The following INTS3 variants were observed in gnomAD, a reference collection of about 807,000 sequenced individuals.
INTS3 encodes integrator complex subunit 3.
INTS3 carries 34 observed loss-of-function variants against 146.3 expected under a neutral mutation model. The ratio of observed to expected loss-of-function variants is 0.23; its 90% CI spans 0.18 to 0.31. INTS3 has a LOEUF of 0.31. INTS3 is among the 10% of genes least tolerant of loss of function. INTS3 has a pLI of 1.00. For missense variants in INTS3, 757 were observed against 1,304.2 expected, an observed-to-expected ratio of 0.58 and a Z score of 6.46; for synonymous variants, 475 against 494.9, an observed-to-expected ratio of 0.96 and a Z score of 0.53.
In INTS3 at chr1:153,746,978, G is replaced by A; in HGVS notation, c.340G>A (p.Val114Met). The change falls in exon 4 of 30, where the codon GTG becomes ATG. Residue 114 changes from valine to methionine, a missense_variant. Around this residue, in one of 8 missense-constraint regions of INTS3, gnomAD observed 160 missense variants for 193.7 expected, o/e 0.83. Transcript: ENST00000318967. ...AQKCYRDLAL[V>M]SRDGMNIVLN... The stretch of plus-strand genomic sequence containing the variant: ...ACAGTGTTACCGGGACTTAGCTCTG[G>A]TGAGTCGTGATGGCATGAATATTGT... 5.6e-6 allele frequency: 9 copies of A among 1,613,588 alleles called. No homozygotes were observed. Among genetic ancestry groups the A allele is most frequent in the Non-Finnish European group, 7.6e-6 (9 of 1,179,548 alleles).
chr1:153,761,099 G>C, intron 13 of INTS3, 181 bp downstream of exon 13: 2 of 1,432,106 alleles, frequency 1.4e-6, no homozygotes, highest in Non-Finnish European at 1.8e-6. Flanking sequence ...TCCTGCCATC[G>C]TATTACAAAG....
intron 22 of INTS3, 116 bp downstream of exon 22, chr1:153,769,077 C>A: frequency 1.2e-6 from 1 of 808,836 alleles, no homozygotes; most frequent in Non-Finnish European, 2.1e-6. Flanking sequence ...AGGCACCCTC[C>A]CTCCTGGCTA....
In INTS3 at chr1:153,755,327, G is replaced by C. The variant is rs141995399; in HGVS notation, c.957+588G>C. On this transcript the variant is annotated intron_variant, in intron 9 of 29. Coordinates refer to ENST00000318967, the MANE Select transcript of INTS3 (RefSeq NM_023015.5). ...TGCCCAGGCTAGAGTGCAGTGGCGC[G>C]ATCTCGGCTCTCCGCAGCCTCCGCC... Among the ~76,000 whole-genome samples, 572 of 152,148 alleles carry C rather than the reference G, an allele frequency of 3.8e-3. 4 individuals are homozygous for C. The highest frequency in any genetic ancestry group is 0.013 in the African/African-American group (542 of 41,512).
rs59978263 is a variant in INTS3 at position 153,738,893 on chromosome 1, C to CT, written c.151-1741dup. On this transcript the variant is annotated intron_variant, in intron 1 of 29. Transcript: ENST00000318967. Reference sequence around the variant, plus strand: ...TTCGATAGATGATAATATTAAGTGTCTTTTTTTTTTTTTTTTTGAGACAGT... The same window carrying CT: ...TTCGATAGATGATAATATTAAGTGTCTTTTTTTTTTTTTTTTTTGAGACAGT... 6.8e-3 allele frequency among the ~76,000 whole-genome samples: 921 copies of CT among 135,026 alleles called. 5 individuals carry two copies. The highest frequency in any genetic ancestry group is 0.012 in the Middle Eastern group (3 of 260). The allele number at this position is 135,026 out of a possible 152,430, so 88.6% of individuals were successfully genotyped here.
intron 15 of INTS3, 136 bp from the exon 16 acceptor site, chr1:153,763,097 C>T: frequency 8.4e-7 from 1 of 1,188,274 alleles, no homozygotes; most frequent in Non-Finnish European, 1.2e-6. Flanking sequence ...CAGGGAGATG[C>T]TTCAGGCACT....
chr1:153,760,982 A>G, intron 13 of INTS3, 64 bp downstream of exon 13: 1 of 1,585,574 alleles, frequency 6.3e-7, no homozygotes, highest in Non-Finnish European at 8.7e-7. Context: ...GGTGTATCCA[A>G]ATGTTGCCAT....
Position 153,772,001 on chromosome 1 carries a change from G to A in INTS3, c.2720+38G>A, listed in dbSNP as rs750908075. 30 of 1,571,536 alleles carry A rather than the reference G, an allele frequency of 1.9e-5. No individual in the cohort carries two copies. The highest frequency in any genetic ancestry group is 1.4e-4 in the South Asian group (12 of 86,464). On this transcript the variant is annotated intron_variant, in intron 26 of 29. Coordinates refer to ENST00000318967, the MANE Select transcript of INTS3 (RefSeq NM_023015.5). This position sits in a 1 kb window ranked among gnomAD's most constrained non-coding sequence, Gnocchi z 4.6. ...CCCTGTCTACCCTCCAGGCCATGGC[G>A]GTCTGCAGTGATTGCTGTCGGTGGT... is the stretch of plus-strand genomic sequence containing the variant.
intron 18 of INTS3, among the ~76,000 whole-genome samples, 192 bp from the exon 19 acceptor site, chr1:153,764,498 C>T (rs186521908): frequency 6.6e-6 from 1 of 152,300 alleles, no homozygotes; most frequent in African/African-American, 2.4e-5. Context: ...TGGCCTGGAG[C>T]CTGTCTCCAA....
In INTS3 at chr1:153,757,818, G is replaced by A; in HGVS notation, c.1149+55G>A. On this transcript the variant is annotated intron_variant, in intron 10 of 29. Coordinates refer to ENST00000318967, the MANE Select transcript of INTS3 (RefSeq NM_023015.5). The surrounding 1 kb of genome is among the most constrained non-coding windows in gnomAD (Gnocchi z 4.0). ...GGTGCCTCTTCCATGGTGTTCCCAT[G>A]TTTCCATTCTTCTTCCTGACTCCAG... 1 of 1,494,012 alleles carries A rather than the reference G, an allele frequency of 6.7e-7. No individual in the cohort carries two copies. The highest frequency in any genetic ancestry group is 2.3e-5 in the East Asian group (1 of 43,938). The allele number at this position is 1,494,012 out of a possible 1,614,324, so 92.5% of individuals were successfully genotyped here.
Position 153,728,575 on chromosome 1 carries a change from G to A in INTS3, c.-60G>A. On this transcript the variant is annotated 5_prime_UTR_variant, in exon 1 of 30. Transcript: ENST00000318967. ...CAGTCCCTGGCAATCCAGAGATCCC[G>A]ATATCTAGGACTGTCCATCCATCCA... 6.6e-7 allele frequency: 1 copy of A among 1,511,842 alleles called. No individual in the cohort carries two copies. Among genetic ancestry groups the A allele is most frequent in the Non-Finnish European group, 8.8e-7 (1 of 1,133,758 alleles). The allele number at this position is 1,511,842 out of a possible 1,614,324, so 93.7% of individuals were successfully genotyped here.
Position 153,767,791 on chromosome 1 carries a change from G to A in INTS3, c.2208G>A (p.Arg736=), listed in dbSNP as rs1198674463. Residue 736 remains arginine (R), a synonymous_variant, in exon 21 of 30, where the codon CGG becomes CGA. Transcript: ENST00000318967. ...AGGCCTGCCAGGAGGACGATGTGCG[G>A]CTCCTGTGCCACCTCACGCCCTCCA... The part of the protein sequence containing the change: ...DMKACQEDDV[R]LLCHLTPSIY... The A allele has an allele frequency of 1.3e-6, 2 of 1,564,454 alleles. No homozygotes were observed. Among genetic ancestry groups the A allele is most frequent in the South Asian group, 2.3e-5 (2 of 86,704 alleles).
At chr1:153,764,250 C>A in intron 18 of INTS3, 29 bp downstream of exon 18, 1 of 1,476,886 alleles carries the variant, frequency 6.8e-7, no homozygotes, top group Non-Finnish European at 9.5e-7. Flanking sequence ...CACTCCAGAG[C>A]CTCAGGAGCC....
chr1:153,744,128 T>C (rs1029555889), intron 3 of INTS3, among the ~76,000 whole-genome samples: 1 of 150,122 alleles, frequency 6.7e-6, no homozygotes, highest in Admixed American at 6.7e-5. Flanking sequence ...GACACAGAGG[T>C]CGGTAACACA....
chr1:153,728,538 C>A lies in INTS3; in HGVS notation c.-97C>A. The A allele has an allele frequency of 7.0e-7, 1 of 1,433,992 alleles. No homozygotes were observed. The highest frequency in any genetic ancestry group is 9.3e-7 in the Non-Finnish European group (1 of 1,073,844). 88.8% of individuals were successfully genotyped at this position (1,433,992 alleles called of 1,614,324 possible). A position where few individuals can be genotyped will look rare whatever the true frequency, so the allele number is the denominator to read the frequency against. On this transcript the variant is annotated 5_prime_UTR_variant, in exon 1 of 30. Coordinates refer to ENST00000318967, the MANE Select transcript of INTS3 (RefSeq NM_023015.5). ...CTTGCTCTCCCCTCCCCAACTTGTT[C>A]CTCTTGCCCCCCAGTCCCTGGCAAT...
chr1:153,753,474 T>A (rs1247283710), intron 8 of INTS3, among the ~76,000 whole-genome samples: 1 of 149,536 alleles, frequency 6.7e-6, no homozygotes. Flanking sequence ...AGAGAATCGC[T>A]TGAACCCAGG....
chr1:153,773,471 C>T lies in INTS3; in HGVS notation c.*201C>T. ...CCTAGCCCCTTCCCTCCTCCTGGGG[C>T]CTCCAGCCCCTCACACTGCTGTTCC... is the stretch of plus-strand genomic sequence containing the variant. On this transcript the variant is annotated 3_prime_UTR_variant, in exon 30 of 30. Transcript: ENST00000318967. 1.6e-6 allele frequency: 1 copy of T among 617,164 alleles called. No individual in the cohort carries two copies. The highest frequency in any genetic ancestry group is 2.0e-5 in the South Asian group (1 of 50,082). 38.2% of individuals were successfully genotyped at this position (617,164 alleles called of 1,614,324 possible). A position where few individuals can be genotyped will look rare whatever the true frequency, so the allele number is the denominator to read the frequency against.
At chr1:153,769,025 T>A in intron 22 of INTS3, 64 bp downstream of exon 22, 1 of 1,315,550 alleles carries the variant, frequency 7.6e-7, no homozygotes, top group South Asian at 1.2e-5. Flanking sequence ...ATAGGGCCTC[T>A]GCTCTCCCTC....
At chr1:153,766,411 C>T (rs1185012802) in intron 20 of INTS3, 2 of 152,168 alleles carry the variant, frequency 1.3e-5, no homozygotes, top group African/African-American at 4.8e-5. Context: ...AATTCTCCTG[C>T]CTTAGCCTCC....
chr1:153,728,152 C>G lies in INTS3; in HGVS notation c.-483C>G, dbSNP rs1272913968. ...TAGCGCTTATTGCCTCACCCTCACC[C>G]CCTAGGGGCCGGATCCAAAGGCGCT... On this transcript the variant is annotated 5_prime_UTR_variant, in exon 1 of 30. Coordinates refer to ENST00000318967, the MANE Select transcript of INTS3 (RefSeq NM_023015.5). 5.0e-6 allele frequency: 2 copies of G among 397,816 alleles called. No homozygotes were observed. The highest frequency in any genetic ancestry group is 8.9e-6 in the Non-Finnish European group (2 of 225,784). 24.6% of individuals were successfully genotyped at this position (397,816 alleles called of 1,614,324 possible). A position where few individuals can be genotyped will look rare whatever the true frequency, so the allele number is the denominator to read the frequency against.
Sources: gnomAD v4.1 joint callset for allele counts (sites outside exome capture counted in the v4.1 genomes callset) on GRCh38, gnomAD v4.1.1 for gene constraint, gnomAD v4.1.1 regional missense constraint, Gnocchi (gnomAD v3.1) non-coding constraint, MANE v1.5 for transcripts, NCBI Gene and HGNC (gene_info 2026-07-23, HGNC 2026-07-21) for gene names.